MYO1B: variants seen among roughly 807,000 people sequenced by gnomAD.
MYO1B encodes unconventional myosin-Ib.
MYO1B carries 72 observed loss-of-function variants against 159.7 expected under a neutral mutation model. The observed-to-expected ratio is 0.45, with a 90% CI of 0.37 to 0.55. The LOEUF (loss-of-function observed/expected upper bound fraction) is 0.55, where lower values mean the gene tolerates loss of function less well. Among genes scored for constraint, MYO1B ranks in the 20% least tolerant of loss-of-function variants. MYO1B has a pLI of 0.00. For synonymous variants in MYO1B, 468 were observed against 473.8 expected, an observed-to-expected ratio of 0.99 and a Z score of 0.16; for missense variants, 1,062 against 1,364.8, an observed-to-expected ratio of 0.78 and a Z score of 3.50.
intron 9 of MYO1B, 124 bp downstream of exon 9, chr2:191,362,495 C>T: frequency 3.4e-6 from 2 of 590,228 alleles, no homozygotes; most frequent in Non-Finnish European, 5.6e-6. Context: ...TAGAATTATA[C>T]AAGAATTCTA....
intron 26 of MYO1B, 33 bp from the exon 27 acceptor site, chr2:191,411,033 G>A (rs1293076744): frequency 1.7e-6 from 2 of 1,181,686 alleles, no homozygotes; most frequent in Non-Finnish European, 2.5e-6. Context: ...TTATATAAAT[G>A]ATGTTTTGTT....
chr2:191,390,575 A>G, intron 18 of MYO1B, 83 bp downstream of exon 18: 1 of 1,417,206 alleles, frequency 7.1e-7, no homozygotes, highest in Non-Finnish European at 9.4e-7. Context: ...CTGTTAGATA[A>G]AACAGAATTT....
chr2:191,376,531 G>A (rs1694722878), intron 13 of MYO1B, among the ~76,000 whole-genome samples: 1 of 152,070 alleles, frequency 6.6e-6, no homozygotes, highest in South Asian at 2.1e-4. Flanking sequence ...TCAAAATCCT[G>A]TAACTTTTAT....
intron 24 of MYO1B, among the ~76,000 whole-genome samples, chr2:191,405,035 G>C (rs1431313035): frequency 6.6e-6 from 1 of 152,186 alleles, no homozygotes; most frequent in Non-Finnish European, 1.5e-5. Flanking sequence ...ACCCAGTGTA[G>C]AACTTCTTTC....
Position 191,414,191 on chromosome 2 carries a change from T to C in MYO1B, c.3006+11T>C, listed in dbSNP as rs756434208. ...CGTGCTAATGGGAAGGTAAAAATGCTAACCTTGAAGACTGATAAGAAGTAC... is the reference window on the plus strand; with the variant it reads ...CGTGCTAATGGGAAGGTAAAAATGCCAACCTTGAAGACTGATAAGAAGTAC... On this transcript the variant is annotated intron_variant, in intron 28 of 30. Coordinates refer to ENST00000392318, the MANE Select transcript of MYO1B (RefSeq NM_001130158.3). 20 of 1,609,290 alleles carry C rather than the reference T, an allele frequency of 1.2e-5. No homozygotes were observed. Among genetic ancestry groups the C allele is most frequent in the Middle Eastern group, 1.7e-4 (1 of 6,038 alleles).
intron 4 of MYO1B, among the ~76,000 whole-genome samples, chr2:191,340,613 T>C (rs779422445): frequency 4.6e-5 from 7 of 152,242 alleles, no homozygotes; most frequent in Non-Finnish European, 1.5e-5. Flanking sequence ...CTACCATGTC[T>C]GGAAAAGGCT....
At chr2:191,404,924 G>A (rs1696823050) in intron 24 of MYO1B, among the ~76,000 whole-genome samples, 1 of 152,134 alleles carries the variant, frequency 6.6e-6, no homozygotes, top group Admixed American at 6.5e-5. Context: ...GGTGGCTGTG[G>A]CAATTTCTTA....
At chr2:191,278,139 A>T (rs566358732) in intron 2 of MYO1B, among the ~76,000 whole-genome samples, 3 of 152,220 alleles carry the variant, frequency 2.0e-5, no homozygotes, top group Admixed American at 6.5e-5. Context: ...GGTGGCTTAT[A>T]AACAACAGAA....
Position 191,423,995 on chromosome 2 carries a change from C to G in MYO1B, c.*35C>G, listed in dbSNP as rs924684165. On this transcript the variant is annotated 3_prime_UTR_variant, in exon 31 of 31. Transcript: ENST00000392318. ...CCTCTCTACTTTCATGGACTTGTTC[C>G]TTTGTAATAGTGCAATTTGGTTTTG... The G allele has an allele frequency of 6.3e-7, 1 of 1,597,242 alleles. No individual in the cohort carries two copies. The highest frequency in any genetic ancestry group is 1.7e-5 in the Admixed American group (1 of 57,144).
intron 3 of MYO1B, among the ~76,000 whole-genome samples, chr2:191,311,678 A>G (rs1690010880): frequency 6.6e-6 from 1 of 152,240 alleles, no homozygotes; most frequent in South Asian, 2.1e-4. Flanking sequence ...AAAAAGGGAC[A>G]TTCAAAATGG....
intron 27 of MYO1B, 23 bp from the exon 28 acceptor site, chr2:191,414,025 G>A (rs750752509): frequency 2.5e-6 from 4 of 1,577,904 alleles, no homozygotes; most frequent in East Asian, 4.5e-5. Context: ...TATTTCTAAT[G>A]TGCAGGAATT....
intron 2 of MYO1B, among the ~76,000 whole-genome samples, chr2:191,280,026 TCTC>T (rs2125754782): frequency 6.6e-6 from 1 of 152,190 alleles, no homozygotes; most frequent in African/African-American, 2.4e-5. Flanking sequence ...CTGCCATCCA[TCTC>T]CTCTTCTCCT....
chr2:191,339,573 C>T (rs987014624), intron 4 of MYO1B, among the ~76,000 whole-genome samples: 7 of 152,188 alleles, frequency 4.6e-5, no homozygotes, highest in Non-Finnish European at 1.0e-4. Flanking sequence ...AGGGAGACAG[C>T]AGAAATCAAC....
Position 191,423,951 on chromosome 2 carries a change from T to C in MYO1B, c.3402T>C (p.Ala1134=), listed in dbSNP as rs1399077381. Residue 1134 remains alanine (A), a synonymous_variant, in exon 31 of 31, where the codon GCT becomes GCC. Transcript: ENST00000392318. ...KRKNNRLLEV[A]VP ...AAAACAACCGTCTCCTTGAAGTTGC[T>C]GTCCCTTAACTGGCGCCTCCTCTCT... The C allele has an allele frequency of 7.4e-6, 12 of 1,613,594 alleles. No individual in the cohort carries two copies. Among genetic ancestry groups the C allele is most frequent in the Non-Finnish European group, 1.0e-5 (12 of 1,179,812 alleles).
intron 8 of MYO1B, 57 bp downstream of exon 8, chr2:191,360,786 G>T: frequency 7.5e-7 from 1 of 1,340,114 alleles, no homozygotes; most frequent in South Asian, 1.2e-5. Context: ...TGTTGTTGTT[G>T]TTGGAGCTGG....
At chr2:191,401,183 G>C (rs939622602) in intron 23 of MYO1B, among the ~76,000 whole-genome samples, 1 of 151,884 alleles carries the variant, frequency 6.6e-6, no homozygotes, top group Non-Finnish European at 1.5e-5. Flanking sequence ...GAGGGGTTGC[G>C]CATGTTGGGA....
intron 2 of MYO1B, among the ~76,000 whole-genome samples, chr2:191,279,869 G>A (rs1042805289): frequency 1.3e-5 from 2 of 152,100 alleles, no homozygotes; most frequent in African/African-American, 4.8e-5. Flanking sequence ...ACAGTAATTT[G>A]TATGTTTAGA....
intron 1 of MYO1B, among the ~76,000 whole-genome samples, chr2:191,255,410 T>C (rs569415426): frequency 1.3e-5 from 2 of 152,138 alleles, no homozygotes; most frequent in East Asian, 3.9e-4. Context: ...GAAATTTAGA[T>C]TGGGGTACAA....
At chr2:191,284,671 C>T (rs554798158) in intron 2 of MYO1B, among the ~76,000 whole-genome samples, 1 of 152,154 alleles carries the variant, frequency 6.6e-6, no homozygotes, top group East Asian at 1.9e-4. Context: ...CTAGCTCTGT[C>T]CCCCAGGCTG....
Sources: allele counts gnomAD v4.1 joint callset (sites outside exome capture counted in the v4.1 genomes callset), GRCh38; gene constraint gnomAD v4.1.1; transcripts MANE v1.5; gene names NCBI Gene and HGNC (gene_info 2026-07-23, HGNC 2026-07-21).